Variants in MYT1L observed in about 807,000 individuals in gnomAD.
MYT1L encodes myelin transcription factor 1 like, also known as myelin transcription factor 1-like protein.
MYT1L carries 12 observed loss-of-function variants against 126.7 expected under a neutral mutation model. That is an observed-to-expected ratio of 0.09 (90% CI 0.06 to 0.15). The LOEUF is 0.15. MYT1L is among the 10% of genes least tolerant of loss of function. MYT1L has a pLI of 1.00. For synonymous variants in MYT1L, 541 were observed against 604.2 expected, an observed-to-expected ratio of 0.90 and a Z score of 1.53; for missense variants, 979 against 1,585.2, an observed-to-expected ratio of 0.62 and a Z score of 6.49.
intron 3 of MYT1L, among the ~76,000 whole-genome samples, chr2:2,065,799 G>A (rs1378515078): frequency 6.7e-6 from 1 of 149,150 alleles, no homozygotes; most frequent in Non-Finnish European, 1.5e-5. Flanking sequence ...TAATTTCCTA[G>A]GGCATATCAA....
At chr2:1,867,592 G>C (rs2045745427) in intron 18 of MYT1L, among the ~76,000 whole-genome samples, 2 of 152,322 alleles carry the variant, frequency 1.3e-5, no homozygotes, top group South Asian at 4.1e-4. Flanking sequence ...CAGATGCCAA[G>C]AGTGGTCCTG....
At chr2:1,969,683 T>C (rs1049325566) in intron 8 of MYT1L, among the ~76,000 whole-genome samples, 1 of 152,194 alleles carries the variant, frequency 6.6e-6, no homozygotes, top group African/African-American at 2.4e-5. Flanking sequence ...CCCTGGTTGT[T>C]GGTATCTCTG....
intron 2 of MYT1L, among the ~76,000 whole-genome samples, chr2:2,187,743 A>T (rs1238437344): frequency 6.6e-6 from 1 of 152,082 alleles, no homozygotes; most frequent in African/African-American, 2.4e-5. Flanking sequence ...GTTGGCCAAT[A>T]TATCTTACTG....
At chr2:1,930,709 A>T (rs2054844838) in intron 9 of MYT1L, among the ~76,000 whole-genome samples, 1 of 152,246 alleles carries the variant, frequency 6.6e-6, no homozygotes, top group African/African-American at 2.4e-5. Context: ...AGAGTTGTTT[A>T]AAATGAATGC....
chr2:2,149,568 C>CT (rs1453754305), intron 3 of MYT1L, among the ~76,000 whole-genome samples: 1 of 152,210 alleles, frequency 6.6e-6, no homozygotes, highest in Non-Finnish European at 1.5e-5. Context: ...TACTCAAAGT[C>CT]TGTCACAGCT....
At chr2:2,295,539 G>GAGAGAGAGAGAGAGAGACAGACAGAC (rs1559582714) in intron 1 of MYT1L, among the ~76,000 whole-genome samples, 1 of 72,306 alleles carries the variant, frequency 1.4e-5, no homozygotes, top group East Asian at 3.8e-4. Flanking sequence ...GAGAAAGATA[G>GAGAGAGAGAGAGAGAGACAGACAGAC]AGAGAGAGAG....
chr2:1,925,374 C>T (rs1418094530), intron 9 of MYT1L, among the ~76,000 whole-genome samples: 1 of 152,198 alleles, frequency 6.6e-6, no homozygotes, highest in African/African-American at 2.4e-5. Flanking sequence ...TATGAACTTC[C>T]TCACCTTCCT....
chr2:1,971,992 T>C (rs1326846437), intron 8 of MYT1L, among the ~76,000 whole-genome samples: 1 of 152,200 alleles, frequency 6.6e-6, no homozygotes, highest in Admixed American at 6.5e-5. Flanking sequence ...TATCTTCTGA[T>C]TTATAATATC....
At chr2:1,981,774 G>A (rs993720192) in intron 5 of MYT1L, among the ~76,000 whole-genome samples, 6 of 152,370 alleles carry the variant, frequency 3.9e-5, no homozygotes, top group African/African-American at 1.4e-4. Context: ...AGGCAGTGCA[G>A]TTGGGAGCAA....
At chr2:2,071,689 T>C (rs2074621140) in intron 3 of MYT1L, among the ~76,000 whole-genome samples, 1 of 152,186 alleles carries the variant, frequency 6.6e-6, no homozygotes, top group Non-Finnish European at 1.5e-5. Flanking sequence ...AGTCAGGCCA[T>C]GACAGATTTT....
intron 2 of MYT1L, among the ~76,000 whole-genome samples, chr2:2,276,235 C>T (rs1046488709): frequency 2.6e-5 from 4 of 152,114 alleles, no homozygotes; most frequent in African/African-American, 9.7e-5. Context: ...GCTGGGTGTA[C>T]ACCCTTGCGT....
chr2:2,006,331 A>C (rs1424168722), intron 4 of MYT1L, among the ~76,000 whole-genome samples: 1 of 151,992 alleles, frequency 6.6e-6, no homozygotes, highest in Admixed American at 6.5e-5. Flanking sequence ...ACTATAGTGA[A>C]ACAAATTAAC....
intron 3 of MYT1L, among the ~76,000 whole-genome samples, chr2:2,128,974 C>A (rs1051861575): frequency 2.6e-5 from 4 of 152,336 alleles, no homozygotes; most frequent in Admixed American, 1.3e-4. Flanking sequence ...AAGAGAGACT[C>A]TTCCAAGGAA....
chr2:1,861,781 A>G, intron 18 of MYT1L, among the ~76,000 whole-genome samples: 1 of 152,180 alleles, frequency 6.6e-6, no homozygotes, highest in East Asian at 1.9e-4. Flanking sequence ...GTAATCCTGG[A>G]TCTGCCTGCA....
intron 18 of MYT1L, among the ~76,000 whole-genome samples, chr2:1,875,394 G>A (rs993385653): frequency 1.1e-4 from 17 of 152,346 alleles, no homozygotes; most frequent in African/African-American, 3.8e-4. Flanking sequence ...AGGGCGTGAC[G>A]TGGTCCTTGC....
intron 4 of MYT1L, among the ~76,000 whole-genome samples, chr2:2,014,218 A>T (rs1356463995): frequency 6.9e-6 from 1 of 145,802 alleles, no homozygotes; most frequent in Non-Finnish European, 1.5e-5. Context: ...TTTCCTGAGC[A>T]GTCAGAGAGA....
At chr2:2,031,807 G>A (rs1574671375) in intron 4 of MYT1L, among the ~76,000 whole-genome samples, 7 of 139,230 alleles carry the variant, frequency 5.0e-5, no homozygotes, top group South Asian at 2.4e-4. Flanking sequence ...CTGTGGCCCA[G>A]AGCAGATTCT....
chr2:2,200,686 A>G (rs1195860902), intron 2 of MYT1L, among the ~76,000 whole-genome samples: 1 of 152,212 alleles, frequency 6.6e-6, no homozygotes, highest in Non-Finnish European at 1.5e-5. Context: ...AGAGTTGAGG[A>G]GGAAAGTCTG....
chr2:2,019,430 G>A (rs1226253700), intron 4 of MYT1L, among the ~76,000 whole-genome samples: 1 of 152,178 alleles, frequency 6.6e-6, no homozygotes, highest in East Asian at 1.9e-4. Context: ...TCTTCGGTAT[G>A]TCTTTATTAA....
Sources: gnomAD v4.1 joint callset for allele counts (sites outside exome capture counted in the v4.1 genomes callset) on GRCh38, gnomAD v4.1.1 for gene constraint, MANE v1.5 for transcripts, NCBI Gene and HGNC (gene_info 2026-07-23, HGNC 2026-07-21) for gene names.